The following NR5A2 variants were observed in gnomAD, a reference collection of about 807,000 sequenced individuals.
NR5A2 encodes nuclear receptor subfamily 5 group A member 2, also known as CYP7A promoter-binding factor.
Under a neutral mutation model 62.7 loss-of-function variants are expected in NR5A2, and 26 were observed. The ratio of observed to expected loss-of-function variants is 0.41; its 90% CI spans 0.30 to 0.58. The LOEUF (loss-of-function observed/expected upper bound fraction) is 0.58. NR5A2 is among the 20% of genes least tolerant of loss of function. The probability of loss-of-function intolerance (pLI) is 0.22; values close to 1 mark genes in which losing one functional copy is unlikely to be tolerated. For synonymous variants in NR5A2, 246 were observed against 241.7 expected (o/e 1.02, Z -0.16); for missense variants, 541 against 669.1 (o/e 0.81, Z 2.11).
chr1:200,137,525 T>C (rs921028675), intron 7 of NR5A2, among the ~76,000 whole-genome samples: 7 of 152,126 alleles, frequency 4.6e-5, no homozygotes, highest in Non-Finnish European at 1.0e-4. Flanking sequence ...CTCTTACAAA[T>C]ATTTACTGTG....
At chr1:200,067,099 A>G (rs1663518809) in intron 5 of NR5A2, among the ~76,000 whole-genome samples, 1 of 152,218 alleles carries the variant, frequency 6.6e-6, no homozygotes, top group South Asian at 2.1e-4. Flanking sequence ...AATTTATTTC[A>G]GTAATTAAGA....
intron 1 of NR5A2, among the ~76,000 whole-genome samples, chr1:200,028,512 T>C (rs954261508): frequency 2.0e-5 from 3 of 152,030 alleles, no homozygotes; most frequent in Non-Finnish European, 4.4e-5. Context: ...ATTAGTATAT[T>C]TTGTTTTTAC....
At chr1:200,081,107 G>A (rs926658744) in intron 5 of NR5A2, among the ~76,000 whole-genome samples, 12 of 152,184 alleles carry the variant, frequency 7.9e-5, no homozygotes, top group African/African-American at 1.4e-4. Flanking sequence ...AGCATTAGCC[G>A]TCAAAAGAAT....
chr1:200,118,643 C>T (rs1666351326), intron 6 of NR5A2, among the ~76,000 whole-genome samples: 1 of 152,212 alleles, frequency 6.6e-6, no homozygotes, highest in Admixed American at 6.5e-5. Context: ...TCATCTATCC[C>T]ATTAGTCTCA....
At chr1:200,135,293 G>A (rs1667163216) in intron 7 of NR5A2, among the ~76,000 whole-genome samples, 1 of 152,202 alleles carries the variant, frequency 6.6e-6, no homozygotes, top group African/African-American at 2.4e-5. Flanking sequence ...GGCCGAGGCA[G>A]GTGGATCACC....
In NR5A2 at chr1:200,174,333, G is replaced by A; in HGVS notation, c.*123G>A. 1 of 1,009,678 alleles carries A rather than the reference G, an allele frequency of 9.9e-7. No individual in the cohort carries two copies. The highest frequency in any genetic ancestry group is 1.6e-5 in the African/African-American group (1 of 60,986). 62.5% of individuals were successfully genotyped at this position (1,009,678 alleles called of 1,614,324 possible). ...TCCAAGTAACGCTAATTAAAAACTT[G>A]CTTTAAAGATATTGAATTTAAAAAG... On this transcript the variant is annotated 3_prime_UTR_variant, in exon 8 of 8. Coordinates refer to ENST00000367362, the MANE Select transcript of NR5A2 (RefSeq NM_205860.3).
intron 5 of NR5A2, among the ~76,000 whole-genome samples, chr1:200,049,465 G>A (rs905946247): frequency 6.6e-6 from 1 of 152,130 alleles, no homozygotes; most frequent in Admixed American, 6.6e-5. Context: ...TCTATGTCTT[G>A]TTGATTTTAG....
intron 7 of NR5A2, among the ~76,000 whole-genome samples, chr1:200,136,339 G>C (rs1289514900): frequency 6.6e-6 from 1 of 151,912 alleles, no homozygotes; most frequent in African/African-American, 2.4e-5. Flanking sequence ...ACACACACAA[G>C]AAAGAGCACA....
At chr1:200,164,555 T>A (rs1653804443) in intron 7 of NR5A2, among the ~76,000 whole-genome samples, 1 of 151,792 alleles carries the variant, frequency 6.6e-6, no homozygotes. Context: ...TAGACTTTTT[T>A]TTTTTTTTTT....
intron 7 of NR5A2, among the ~76,000 whole-genome samples, chr1:200,162,015 C>T (rs1285192867): frequency 6.6e-6 from 1 of 152,118 alleles, no homozygotes; most frequent in African/African-American, 2.4e-5. Context: ...GAAAAGCTTG[C>T]CTGGGAAGAT....
chr1:200,070,928 C>G (rs1029712948), intron 5 of NR5A2, among the ~76,000 whole-genome samples: 1 of 152,126 alleles, frequency 6.6e-6, no homozygotes, highest in Non-Finnish European at 1.5e-5. Flanking sequence ...CTGGAAGAAT[C>G]TGCAGGGAAT....
intron 5 of NR5A2, among the ~76,000 whole-genome samples, chr1:200,079,033 C>A (rs1484490578): frequency 6.6e-6 from 1 of 152,186 alleles, no homozygotes; most frequent in African/African-American, 2.4e-5. Flanking sequence ...AAGGCATGAT[C>A]AAGAAAACAG....
chr1:200,126,841 T>C (rs1474728655), intron 7 of NR5A2, among the ~76,000 whole-genome samples: 1 of 152,090 alleles, frequency 6.6e-6, no homozygotes, highest in Non-Finnish European at 1.5e-5. Context: ...GTATAAGTAA[T>C]GTAGAGACTA....
At chr1:200,111,058 A>T (rs1014718126) in intron 5 of NR5A2, 144 bp from the exon 6 acceptor site, 1 of 845,642 alleles carries the variant, frequency 1.2e-6, no homozygotes, top group Non-Finnish European at 1.7e-6. Flanking sequence ...AATTCTGGGC[A>T]CCTGTGCTTC....
chr1:200,048,499 TTCC>T lies in NR5A2; in HGVS notation c.793_795del (p.Pro265del). ...CAAGGTTACCAAACATATGGCCACT[TTCC>T]TAGCCGGGCCATCAAGTCTGAGTAC... On this transcript the variant is annotated inframe_deletion, in exon 5 of 8. Transcript: ENST00000367362. This position sits in a 1 kb window ranked among gnomAD's most constrained non-coding sequence, Gnocchi z 4.8. The T allele has an allele frequency of 6.2e-7, 1 of 1,614,188 alleles. No individual in the cohort carries two copies. The highest frequency in any genetic ancestry group is 8.5e-7 in the Non-Finnish European group (1 of 1,180,028).
chr1:200,033,209 A>G (rs2821358), intron 1 of NR5A2, among the ~76,000 whole-genome samples: 49,470 of 151,986 alleles, frequency 0.33, 11,728 homozygotes, highest in African/African-American at 0.67. Context: ...GTGTATGGTA[A>G]CAACTCGCAG....
intron 1 of NR5A2, chr1:200,038,794 A>C: frequency 7.7e-7 from 1 of 1,305,044 alleles, no homozygotes; most frequent in East Asian, 5.4e-5. Flanking sequence ...CTGCATTTAC[A>C]TCCCCCCGCC....
At chr1:200,089,679 A>G (rs1354403285) in intron 5 of NR5A2, among the ~76,000 whole-genome samples, 1 of 151,788 alleles carries the variant, frequency 6.6e-6, no homozygotes, top group Non-Finnish European at 1.5e-5. Flanking sequence ...CATGTTGCCC[A>G]GGCTGGTCTT....
At position 200,066,588 on chromosome 1, in the gene NR5A2, C is replaced by CTTTTTTTTTTTTTTTTTTTTT. The variant is rs756874909; in HGVS notation, c.1110+17787_1110+17788insTTTTTTTTTTTTTTTTTTTTT. Among the ~76,000 whole-genome samples the CTTTTTTTTTTTTTTTTTTTTT allele has an allele frequency of 1.1e-4, 13 of 113,140 alleles. 3 individuals carry two copies. The highest frequency in any genetic ancestry group is 8.2e-4 in the South Asian group (3 of 3,670). The allele number at this position is 113,140 out of a possible 152,430, so 74.2% of individuals were successfully genotyped here. On this transcript the variant is annotated intron_variant, in intron 5 of 7. Transcript: ENST00000367362. The stretch of plus-strand genomic sequence containing the variant: ...CCCTGCCATCTATTTAATTAATTAT[C>CTTTTTTTTTTTTTTTTTTTTT]TTTTTTTTTTTTTTTTTGAGAGGGA...
Sources: gnomAD v4.1 joint callset for allele counts (sites outside exome capture counted in the v4.1 genomes callset) on GRCh38, gnomAD v4.1.1 for gene constraint, Gnocchi (gnomAD v3.1) non-coding constraint, MANE v1.5 for transcripts, NCBI Gene and HGNC (gene_info 2026-07-23, HGNC 2026-07-21) for gene names.